Variants in MED6 observed in about 807,000 individuals in gnomAD.
MED6 encodes the protein mediator complex subunit 6.
Under a neutral mutation model 37.5 loss-of-function variants are expected in MED6, and 33 were observed. That is an observed-to-expected ratio of 0.88 (90% CI 0.67 to 1.18). The LOEUF is 1.18. Ranked by LOEUF, MED6 falls within the 50% of genes most tolerant of loss-of-function variation. The pLI is 0.00. For missense variants in MED6, 235 were observed against 290.6 expected (o/e 0.81, Z 1.39); for synonymous variants, 94 against 93.6 (o/e 1.00, Z -0.02).
At chr14:70,595,547 G>T in intron 3 of MED6, 1 of 703,236 alleles carries the variant, frequency 1.4e-6, no homozygotes, top group Non-Finnish European at 2.5e-6. Flanking sequence ...AGATGGAGCA[G>T]CTCAACAGGA....
chr14:70,585,034 C>G (rs1372883945), intron 7 of MED6, 91 bp from the exon 8 acceptor site: 2 of 1,372,364 alleles, frequency 1.5e-6, no homozygotes, highest in African/African-American at 2.9e-5. Flanking sequence ...TTTTCAAATT[C>G]ATTTTTAACT....
chr14:70,599,986 C>G (rs1420031441), intron 1 of MED6, among the ~76,000 whole-genome samples: 1 of 151,994 alleles, frequency 6.6e-6, no homozygotes, highest in South Asian at 2.1e-4. Flanking sequence ...TACACAAAAA[C>G]AACTCTACAT....
chr14:70,596,567 G>A (rs960691741), intron 3 of MED6, 44 bp downstream of exon 3: 10 of 1,437,110 alleles, frequency 7.0e-6, no homozygotes, highest in Non-Finnish European at 9.7e-6. Flanking sequence ...AATAAATTAT[G>A]GTATTTTAAA....
intron 3 of MED6, chr14:70,594,788 G>C: frequency 1.7e-6 from 1 of 584,898 alleles, no homozygotes. Flanking sequence ...CCAGAACGAG[G>C]AGGAGACCAT....
Position 70,592,865 on chromosome 14 carries a change from G to A in MED6, c.466+15C>T, listed in dbSNP as rs772858057. The stretch of plus-strand genomic sequence containing the variant: ...ATCAAAAAGTGTTTTAGGAGGGTAT[G>A]GATGTTCTACTTACCTTGCTCTTCA... On this transcript the variant is annotated intron_variant, in intron 5 of 7. Transcript: ENST00000256379. The A allele has an allele frequency of 6.2e-7, 1 of 1,612,970 alleles. No homozygotes were observed. Among genetic ancestry groups the A allele is most frequent in the African/African-American group, 1.3e-5 (1 of 74,980 alleles).
At chr14:70,591,866 A>T (rs899711310) in intron 5 of MED6, 4 of 152,472 alleles carry the variant, frequency 2.6e-5, no homozygotes, top group Non-Finnish European at 5.9e-5. Context: ...ACAGAAAATT[A>T]TGAAGACAAA....
At position 70,584,211 on chromosome 14, in the gene MED6, A is replaced by G; in HGVS notation, c.*602T>C. On this transcript the variant is annotated 3_prime_UTR_variant, in exon 8 of 8. Transcript: ENST00000256379. Reference sequence around the variant, plus strand: ...GTGCATCTGAAAAATATCAGTTATGATGAAGAAAAAAGTCATGATGAAGCA... The same window carrying G: ...GTGCATCTGAAAAATATCAGTTATGGTGAAGAAAAAAGTCATGATGAAGCA... 1.3e-6 allele frequency: 1 copy of G among 746,240 alleles called. No homozygotes were observed. Among genetic ancestry groups the G allele is most frequent in the South Asian group, 1.4e-5 (1 of 71,638 alleles). The allele number at this position is 746,240 out of a possible 1,614,324, so 46.2% of individuals were successfully genotyped here.
chr14:70,596,732 C>G (rs765928594), intron 2 of MED6, 30 bp from the exon 3 acceptor site: 71 of 1,440,582 alleles, frequency 4.9e-5, no homozygotes, highest in Admixed American at 9.0e-5. Context: ...ATCCAAAGAT[C>G]TATAAACGCC....
At chr14:70,595,471 C>A in intron 3 of MED6, 1 of 625,988 alleles carries the variant, frequency 1.6e-6, no homozygotes, top group South Asian at 1.5e-5. Context: ...GACCTGGACT[C>A]GATGAGAAAT....
chr14:70,591,324 T>G lies in MED6; in HGVS notation c.524A>C (p.Gln175Pro). 1 of 1,608,954 alleles carries G rather than the reference T, an allele frequency of 6.2e-7. No homozygotes were observed. Among genetic ancestry groups the G allele is most frequent in the Non-Finnish European group, 8.5e-7 (1 of 1,178,794 alleles). The change falls in exon 6 of 8, where the codon CAA (glutamine) becomes CCA (proline). Residue 175 changes from glutamine to proline, a missense_variant. By Grantham distance (76) the Gln-to-Pro change is moderately conservative. Transcript: ENST00000256379. Reference protein sequence around the residue: ...KEEPSSIFQRQRVDALLLDLR... With the variant: ...KEEPSSIFQRPRVDALLLDLR... ...GTCTAAAAGTAAAGCATCCACACGT[T>G]GTCTCTGAAAAATAGAGCTTGGTTC...
At chr14:70,594,598 G>A (rs1381084595) in intron 3 of MED6, 2 of 418,338 alleles carry the variant, frequency 4.8e-6, no homozygotes, top group African/African-American at 4.1e-5. Flanking sequence ...TGGTCCCTGG[G>A]CTCCATCCAG....
chr14:70,600,073 C>A (rs1053707703), intron 1 of MED6, among the ~76,000 whole-genome samples: 1 of 152,064 alleles, frequency 6.6e-6, no homozygotes, highest in Non-Finnish European at 1.5e-5. Context: ...TATTTGAGTA[C>A]TTCTGCAGTT....
At chr14:70,593,116 G>C (rs1159731487) in intron 4 of MED6, 128 bp from the exon 5 acceptor site, 1 of 1,359,632 alleles carries the variant, frequency 7.4e-7, no homozygotes, top group African/African-American at 1.5e-5. Flanking sequence ...CTATATAATT[G>C]AGACTATGAA....
At chr14:70,594,628 A>T in intron 3 of MED6, 1 of 423,876 alleles carries the variant, frequency 2.4e-6, no homozygotes, top group Non-Finnish European at 4.5e-6. Flanking sequence ...TGCGGCACCC[A>T]GCCAGTCAGC....
At chr14:70,585,981 C>T (rs936483670) in intron 6 of MED6, among the ~76,000 whole-genome samples, 198 bp from the exon 7 acceptor site, 1 of 152,118 alleles carries the variant, frequency 6.6e-6, no homozygotes, top group African/African-American at 2.4e-5. Context: ...TTCTTATTCC[C>T]CATTCCAGAA....
At position 70,584,416 on chromosome 14, in the gene MED6, C is replaced by T. The variant is rs1357838767; in HGVS notation, c.*397G>A. On this transcript the variant is annotated 3_prime_UTR_variant, in exon 8 of 8. Coordinates refer to ENST00000256379, the MANE Select transcript of MED6 (RefSeq NM_005466.4). Reference sequence around the variant, plus strand: ...TTGAGACAAAGTCTCGCTCTGTCGCCCAAGCTGGAGTGCAACAGCATGATA... The same window carrying T: ...TTGAGACAAAGTCTCGCTCTGTCGCTCAAGCTGGAGTGCAACAGCATGATA... 5.5e-6 allele frequency: 2 copies of T among 360,370 alleles called. No individual in the cohort carries two copies. Among genetic ancestry groups the T allele is most frequent in the Non-Finnish European group, 5.0e-6 (1 of 200,128 alleles). 22.3% of individuals were successfully genotyped at this position (360,370 alleles called of 1,614,324 possible).
Position 70,583,669 on chromosome 14 carries a change from G to C in MED6, c.*1144C>G, listed in dbSNP as rs754911733. On this transcript the variant is annotated 3_prime_UTR_variant, in exon 8 of 8. Coordinates refer to ENST00000256379, the MANE Select transcript of MED6 (RefSeq NM_005466.4). ...AAAAATCCCAAATATAAGACAGAAAGAAAACTGAGATACAATCATTTACAG... is the reference window on the plus strand; with the variant it reads ...AAAAATCCCAAATATAAGACAGAAACAAAACTGAGATACAATCATTTACAG... 1.3e-5 allele frequency: 2 copies of C among 155,394 alleles called. No individual in the cohort carries two copies. The highest frequency in any genetic ancestry group is 2.8e-5 in the Non-Finnish European group (2 of 70,364). 9.6% of individuals were successfully genotyped at this position (155,394 alleles called of 1,614,324 possible). A position where few individuals can be genotyped will look rare whatever the true frequency, so the allele number is the denominator to read the frequency against.
At chr14:70,598,049 C>T (rs1369928979) in intron 1 of MED6, among the ~76,000 whole-genome samples, 1 of 152,018 alleles carries the variant, frequency 6.6e-6, no homozygotes, top group Admixed American at 6.5e-5. Context: ...AATGCCAGCA[C>T]TTTAGGGGGC....
chr14:70,583,448 C>T lies in MED6; in HGVS notation c.*1365G>A, dbSNP rs950690854. On this transcript the variant is annotated 3_prime_UTR_variant, in exon 8 of 8. Transcript: ENST00000256379. Reference sequence around the variant, plus strand: ...GGAAAACCTGATACATACTTTCAAACTTCGCTGTTTGAGTGATCACTAGTC... The same window carrying T: ...GGAAAACCTGATACATACTTTCAAATTTCGCTGTTTGAGTGATCACTAGTC... The T allele has an allele frequency of 2.0e-5, 3 of 152,202 alleles. No homozygotes were observed. The highest frequency in any genetic ancestry group is 7.2e-5 in the African/African-American group (3 of 41,442). The allele number at this position is 152,202 out of a possible 1,614,324, so 9.4% of individuals were successfully genotyped here. A position where few individuals can be genotyped will look rare whatever the true frequency, so the allele number is the denominator to read the frequency against.
Sources: gnomAD v4.1 joint callset for allele counts (sites outside exome capture counted in the v4.1 genomes callset) on GRCh38, gnomAD v4.1.1 for gene constraint, MANE v1.5 for transcripts, NCBI Gene and HGNC (gene_info 2026-07-23, HGNC 2026-07-21) for gene names.